Variants in SVIL observed in about 807,000 individuals in gnomAD.
SVIL encodes the protein archvillin.
A neutral mutation model predicts 240.4 loss-of-function variants in SVIL; 101 were observed. The observed-to-expected ratio is 0.42, with a 90% CI of 0.36 to 0.50. The LOEUF (loss-of-function observed/expected upper bound fraction) is 0.50, where lower values mean the gene tolerates loss of function less well. Among genes scored for constraint, SVIL ranks in the 20% least tolerant of loss-of-function variants. The pLI is 0.01. For synonymous variants in SVIL, 999 were observed against 1,100.0 expected, an observed-to-expected ratio of 0.91 and a Z score of 1.82; for missense variants, 2,512 against 2,818.7, an observed-to-expected ratio of 0.89 and a Z score of 2.46.
At chr10:29,678,867 T>C (rs1008480795) in intron 2 of SVIL, among the ~76,000 whole-genome samples, 1 of 152,160 alleles carries the variant, frequency 6.6e-6, no homozygotes, top group Non-Finnish European at 1.5e-5. Flanking sequence ...TGCATGACCA[T>C]CTCCCAGCAT....
chr10:29,543,553 T>G (rs569177955), intron 6 of SVIL, among the ~76,000 whole-genome samples: 1 of 152,286 alleles, frequency 6.6e-6, no homozygotes, highest in Non-Finnish European at 1.5e-5. Context: ...TTTTTCCATC[T>G]AAATTCAAGA....
intron 18 of SVIL, among the ~76,000 whole-genome samples, chr10:29,498,415 T>C (rs1948624740): frequency 6.6e-6 from 1 of 152,056 alleles, no homozygotes; most frequent in Non-Finnish European, 1.5e-5. Context: ...TGAAACTCCG[T>C]CTAAATAAAT....
At chr10:29,691,888 A>T (rs578033758) in intron 1 of SVIL, among the ~76,000 whole-genome samples, 2 of 152,328 alleles carry the variant, frequency 1.3e-5, no homozygotes, top group African/African-American at 4.8e-5. Context: ...ACCCTTTCAA[A>T]TAACTGAGCA....
At chr10:29,713,358 G>C (rs1319207918) in intron 1 of SVIL, among the ~76,000 whole-genome samples, 1 of 151,934 alleles carries the variant, frequency 6.6e-6, no homozygotes, top group African/African-American at 2.4e-5. Context: ...TGAGTGAGGA[G>C]TTATACAACT....
chr10:29,514,363 A>G (rs746058525), intron 16 of SVIL, among the ~76,000 whole-genome samples: 5 of 152,152 alleles, frequency 3.3e-5, no homozygotes, highest in Non-Finnish European at 7.3e-5. Flanking sequence ...CGGCCTCCAG[A>G]GTAGCTAGGA....
intron 17 of SVIL, among the ~76,000 whole-genome samples, chr10:29,509,685 C>T (rs1263099296): frequency 1.3e-5 from 2 of 151,638 alleles, no homozygotes; most frequent in Non-Finnish European, 2.9e-5. Context: ...CCCGTCTCTA[C>T]TAAAAATACA....
chr10:29,689,597 A>T (rs1371069572), intron 1 of SVIL, among the ~76,000 whole-genome samples: 1 of 152,206 alleles, frequency 6.6e-6, no homozygotes, highest in Non-Finnish European at 1.5e-5. Flanking sequence ...TCTCTTTTTC[A>T]TACTGCATAC....
chr10:29,487,543 C>T (rs1442255843), intron 23 of SVIL: 1 of 478,018 alleles, frequency 2.1e-6, no homozygotes. Context: ...TTATCAGTGT[C>T]ATGTGCGTGG....
chr10:29,680,302 C>G (rs1276268779), intron 2 of SVIL, among the ~76,000 whole-genome samples: 1 of 152,180 alleles, frequency 6.6e-6, no homozygotes, highest in Non-Finnish European at 1.5e-5. Flanking sequence ...GTGCATATGA[C>G]CCAGCTAGCT....
intron 29 of SVIL, among the ~76,000 whole-genome samples, chr10:29,477,772 G>A (rs1317268068): frequency 6.6e-6 from 1 of 152,184 alleles, no homozygotes; most frequent in Admixed American, 6.5e-5. Flanking sequence ...TAAGTTGTAA[G>A]TCTGCTGGAA....
intron 8 of SVIL, 107 bp from the exon 9 acceptor site, chr10:29,532,279 A>G (rs1385618193): frequency 7.3e-7 from 1 of 1,363,586 alleles, no homozygotes; most frequent in African/African-American, 1.5e-5. Flanking sequence ...AGACACCACC[A>G]AACCCCTCTT....
chr10:29,675,898 A>G (rs1032494278), intron 2 of SVIL, among the ~76,000 whole-genome samples: 8 of 152,196 alleles, frequency 5.3e-5, no homozygotes, highest in Admixed American at 5.2e-4. Flanking sequence ...CTTGAAACAT[A>G]AGAAAGTTAC....
chr10:29,545,862 AAAAAAAAAAAAAAAAAAG>A (rs1450518780), intron 6 of SVIL, among the ~76,000 whole-genome samples: 2 of 129,488 alleles, frequency 1.5e-5, no homozygotes, highest in East Asian at 4.3e-4. Context: ...TCAAAAAAAA[AAAAAAAAAAAAAAAAAAG>A]AAAAAGAAAA....
At chr10:29,717,232 C>CAAAAAAAAAAAAA (rs71023503) in intron 1 of SVIL, among the ~76,000 whole-genome samples, 1 of 38,298 alleles carries the variant, frequency 2.6e-5, no homozygotes, top group African/African-American at 9.6e-5. Context: ...GACTCTCTCT[C>CAAAAAAAAAAAAA]AAAAAAAAAA....
At position 29,458,006 on chromosome 10, in the gene SVIL, C is replaced by T. The variant is rs1943754635; in HGVS notation, c.*241G>A. 4.8e-6 allele frequency: 2 copies of T among 420,712 alleles called. No individual in the cohort carries two copies. Among genetic ancestry groups the T allele is most frequent in the Non-Finnish European group, 4.2e-6 (1 of 236,798 alleles). The allele number at this position is 420,712 out of a possible 1,614,324, so 26.1% of individuals were successfully genotyped here. The stretch of plus-strand genomic sequence containing the variant: ...GCAGCTGCGGCTTAAGTGCACATAA[C>T]AGATACTTTTATTAATTCTGATAAC... On this transcript the variant is annotated 3_prime_UTR_variant, in exon 38 of 38. Coordinates refer to ENST00000355867, the MANE Select transcript of SVIL (RefSeq NM_021738.3).
intron 16 of SVIL, among the ~76,000 whole-genome samples, chr10:29,518,554 T>C (rs1270453813): frequency 1.3e-5 from 2 of 152,204 alleles, no homozygotes; most frequent in Non-Finnish European, 2.9e-5. Flanking sequence ...TTCTGGAGGC[T>C]GTCTTCAATA....
At chr10:29,502,598 C>G (rs1200902669) in intron 17 of SVIL, among the ~76,000 whole-genome samples, 1 of 152,016 alleles carries the variant, frequency 6.6e-6, no homozygotes, top group African/African-American at 2.4e-5. Flanking sequence ...AAAGACAGAT[C>G]CCACGAATGT....
chr10:29,463,831 G>A (rs973889157), intron 34 of SVIL, among the ~76,000 whole-genome samples, 196 bp from the exon 35 acceptor site: 32 of 152,228 alleles, frequency 2.1e-4, no homozygotes, highest in African/African-American at 7.7e-4. Flanking sequence ...AGTTCAACGG[G>A]GAGAAGCCTG....
chr10:29,468,087 GGAA>G (rs1450432971), intron 32 of SVIL, among the ~76,000 whole-genome samples: 1 of 152,052 alleles, frequency 6.6e-6, no homozygotes, highest in Non-Finnish European at 1.5e-5. Context: ...TTCATCTCCC[GGAA>G]GAAGAAGCCC....
Sources: gnomAD v4.1 joint callset for allele counts (sites outside exome capture counted in the v4.1 genomes callset) on GRCh38, gnomAD v4.1.1 for gene constraint, MANE v1.5 for transcripts, NCBI Gene and HGNC (gene_info 2026-07-23, HGNC 2026-07-21) for gene names.